Variants in OSBPL3 observed in about 807,000 individuals in gnomAD.
OSBPL3 encodes oxysterol-binding protein-related protein 3.
A neutral mutation model predicts 120.1 loss-of-function variants in OSBPL3; 65 were observed. The ratio of observed to expected loss-of-function variants is 0.54; its 90% CI spans 0.44 to 0.67. The LOEUF (loss-of-function observed/expected upper bound fraction) is 0.67, where lower values mean the gene tolerates loss of function less well. Ranked by LOEUF, OSBPL3 falls within the 30% of genes least tolerant of loss-of-function variation. The pLI is 0.00. For missense variants in OSBPL3, 1,004 were observed against 1,082.1 expected (o/e 0.93, Z 1.01); for synonymous variants, 416 against 402.6 (o/e 1.03, Z -0.40).
chr7:24,920,330 G>A (rs183584530), intron 1 of OSBPL3, among the ~76,000 whole-genome samples: 13 of 152,172 alleles, frequency 8.5e-5, no homozygotes, highest in Non-Finnish European at 1.9e-4. Flanking sequence ...AGTGAGTCAT[G>A]CTACAACATG....
At position 24,854,539 on chromosome 7, in the gene OSBPL3, A is replaced by ACACACAC. The variant is rs1562831439; in HGVS notation, c.1028-1906_1028-1905insGTGTGTG. Among the ~76,000 whole-genome samples the ACACACAC allele has an allele frequency of 7.6e-6, 1 of 131,700 alleles. No individual in the cohort carries two copies. The highest frequency in any genetic ancestry group is 2.2e-4 in the East Asian group (1 of 4,486). The allele number at this position is 131,700 out of a possible 152,430, so 86.4% of individuals were successfully genotyped here. ...ACACACACACACACACACACACACA[A>ACACACAC]ACACACACAATGGTGCTGCCTCTGC... On this transcript the variant is annotated intron_variant, in intron 10 of 22. Coordinates refer to ENST00000313367, the MANE Select transcript of OSBPL3 (RefSeq NM_015550.4). The surrounding 1 kb of genome is among the most constrained non-coding windows in gnomAD (Gnocchi z 4.1).
rs1175276359 is a variant in OSBPL3, at chr7:24,821,059, A to C, written c.1885-821T>G. 6.6e-6 allele frequency among the ~76,000 whole-genome samples: 1 copy of C among 152,186 alleles called. No individual in the cohort carries two copies. Among genetic ancestry groups the C allele is most frequent in the Non-Finnish European group, 1.5e-5 (1 of 68,024 alleles). On this transcript the variant is annotated intron_variant, in intron 16 of 22. Coordinates refer to ENST00000313367, the MANE Select transcript of OSBPL3 (RefSeq NM_015550.4). The surrounding 1 kb of genome is among the most constrained non-coding windows in gnomAD (Gnocchi z 5.5). ...TTCCTCATCTCAGTCACACTCAGGGAACGTTGAGAGGTGTATATGCTGTCA... is the reference window on the plus strand; with the variant it reads ...TTCCTCATCTCAGTCACACTCAGGGCACGTTGAGAGGTGTATATGCTGTCA...
intron 2 of OSBPL3, among the ~76,000 whole-genome samples, chr7:24,875,208 C>T (rs1274260805): frequency 2.0e-5 from 3 of 152,228 alleles, no homozygotes; most frequent in African/African-American, 7.2e-5. Flanking sequence ...GGTTTTTATA[C>T]ACTCTTGGGA....
intron 1 of OSBPL3, among the ~76,000 whole-genome samples, chr7:24,908,854 A>T (rs1161853736): frequency 2.0e-5 from 3 of 152,174 alleles, no homozygotes; most frequent in Admixed American, 2.0e-4. Flanking sequence ...ATTTCAGTTC[A>T]ACTCTCTTAA....
rs1469204456 is a variant in OSBPL3, at chr7:24,813,054, T to C, written c.2172+2005A>G. 6.6e-6 allele frequency among the ~76,000 whole-genome samples: 1 copy of C among 152,130 alleles called. No individual in the cohort carries two copies. Among genetic ancestry groups the C allele is most frequent in the African/African-American group, 2.4e-5 (1 of 41,422 alleles). The stretch of plus-strand genomic sequence containing the variant: ...CCACCGTGTCTGGCTAATTTTTAAA[T>C]TTGTTGTAGAGATAGGGTCTTGTCA... On this transcript the variant is annotated intron_variant, in intron 19 of 22. Coordinates refer to ENST00000313367, the MANE Select transcript of OSBPL3 (RefSeq NM_015550.4). This position sits in a 1 kb window ranked among gnomAD's most constrained non-coding sequence, Gnocchi z 4.5.
At chr7:24,845,017 A>G (rs1261203962) in intron 12 of OSBPL3, among the ~76,000 whole-genome samples, 2 of 152,180 alleles carry the variant, frequency 1.3e-5, no homozygotes, top group African/African-American at 4.8e-5. Flanking sequence ...GAATGTTTAC[A>G]GATTTGCGAA....
Position 24,918,445 on chromosome 7 carries a change from G to C in OSBPL3, c.-149-25824C>G, listed in dbSNP as rs1463290764. Among the ~76,000 whole-genome samples the C allele has an allele frequency of 6.6e-6, 1 of 152,198 alleles. No homozygotes were observed. The highest frequency in any genetic ancestry group is 1.5e-5 in the Non-Finnish European group (1 of 68,034). ...GATAGAAGTATGTATTTGGAAGAAA[G>C]AAGTGCCACTCGAGAGAGTTAAAAC... On this transcript the variant is annotated intron_variant, in intron 1 of 22. Transcript: ENST00000313367. This position sits in a 1 kb window ranked among gnomAD's most constrained non-coding sequence, Gnocchi z 4.3.
At chr7:24,974,730 AAAG>A (rs1289954319) in intron 1 of OSBPL3, among the ~76,000 whole-genome samples, 1 of 152,222 alleles carries the variant, frequency 6.6e-6, no homozygotes, top group African/African-American at 2.4e-5. Context: ...ATACTAGGTG[AAAG>A]AAGCCAGACA....
Position 24,967,993 on chromosome 7 carries a change from G to A in OSBPL3, c.-150+11893C>T, listed in dbSNP as rs1816581251. Among the ~76,000 whole-genome samples, 1 of 152,058 alleles carries A rather than the reference G, an allele frequency of 6.6e-6. No homozygotes were observed. Among genetic ancestry groups the A allele is most frequent in the Non-Finnish European group, 1.5e-5 (1 of 68,026 alleles). ...CACCATAAATAACACAGTCACATAC[G>A]CCTGAAACTCTGCAGTTACTTTTTG... On this transcript the variant is annotated intron_variant, in intron 1 of 22. Coordinates refer to ENST00000313367, the MANE Select transcript of OSBPL3 (RefSeq NM_015550.4). This position sits in a 1 kb window ranked among gnomAD's most constrained non-coding sequence, Gnocchi z 5.6.
chr7:24,960,711 C>A (rs1338179301), intron 1 of OSBPL3, among the ~76,000 whole-genome samples: 1 of 152,176 alleles, frequency 6.6e-6, no homozygotes, highest in African/African-American at 2.4e-5. Flanking sequence ...GGTGACTTCA[C>A]AGCCAACTTT....
At position 24,871,726 on chromosome 7, in the gene OSBPL3, C is replaced by T. The variant is rs755114714; in HGVS notation, c.267+16G>A. The T allele has an allele frequency of 5.0e-6, 8 of 1,602,946 alleles. No homozygotes were observed. Among genetic ancestry groups the T allele is most frequent in the Non-Finnish European group, 1.7e-6 (2 of 1,170,100 alleles). ...AGGATTCTTCAATACCACAGTGGGCCCACAAAAAGACTTACATCGGTTTGG... is the reference window on the plus strand; with the variant it reads ...AGGATTCTTCAATACCACAGTGGGCTCACAAAAAGACTTACATCGGTTTGG... On this transcript the variant is annotated intron_variant, in intron 4 of 22. Transcript: ENST00000313367. The surrounding 1 kb of genome is among the most constrained non-coding windows in gnomAD (Gnocchi z 4.8).
intron 1 of OSBPL3, among the ~76,000 whole-genome samples, chr7:24,897,256 G>A (rs988623589): frequency 6.6e-6 from 1 of 151,940 alleles, no homozygotes; most frequent in African/African-American, 2.4e-5. Flanking sequence ...GAAAGTGGCA[G>A]GTGCAGCACA....
intron 1 of OSBPL3, among the ~76,000 whole-genome samples, chr7:24,893,541 G>T (rs1805666470): frequency 6.6e-6 from 1 of 152,220 alleles, no homozygotes; most frequent in African/African-American, 2.4e-5. Flanking sequence ...GCTGGGCTCA[G>T]TGGCTCATGC....
Position 24,952,314 on chromosome 7 carries a change from T to C in OSBPL3, c.-150+27572A>G, listed in dbSNP as rs1814537594. Among the ~76,000 whole-genome samples, 2 of 152,222 alleles carry C rather than the reference T, an allele frequency of 1.3e-5. No individual in the cohort carries two copies. Among genetic ancestry groups the C allele is most frequent in the South Asian group, 4.1e-4 (2 of 4,836 alleles). ...ACATAAATAGTCCAACTTTTTATTT[T>C]AAGGACAGAGAAACTGAGGCCCACA... On this transcript the variant is annotated intron_variant, in intron 1 of 22. Coordinates refer to ENST00000313367, the MANE Select transcript of OSBPL3 (RefSeq NM_015550.4). The surrounding 1 kb of genome is among the most constrained non-coding windows in gnomAD (Gnocchi z 4.4).
chr7:24,819,134 T>A lies in OSBPL3; in HGVS notation c.1948+1041A>T, dbSNP rs1258575263. Among the ~76,000 whole-genome samples, 1 of 151,102 alleles carries A rather than the reference T, an allele frequency of 6.6e-6. No homozygotes were observed. The highest frequency in any genetic ancestry group is 2.4e-5 in the African/African-American group (1 of 41,012). Reference sequence around the variant, plus strand: ...TGGGCATAGTGGCGCATGCCTGTAGTCCCAGCTACTCGGGAGGCTGAGACA... The same window carrying A: ...TGGGCATAGTGGCGCATGCCTGTAGACCCAGCTACTCGGGAGGCTGAGACA... On this transcript the variant is annotated intron_variant, in intron 17 of 22. Coordinates refer to ENST00000313367, the MANE Select transcript of OSBPL3 (RefSeq NM_015550.4). The surrounding 1 kb of genome is among the most constrained non-coding windows in gnomAD (Gnocchi z 4.1).
rs563926397 is a variant in OSBPL3, at chr7:24,872,396, C to A, written c.97-327G>T. The stretch of plus-strand genomic sequence containing the variant: ...TTTTGTTCAGTTTGACATTACCATG[C>A]AATTACTGTTCGTTCAGCACTAGAC... On this transcript the variant is annotated intron_variant, in intron 2 of 22. Transcript: ENST00000313367. This position sits in a 1 kb window ranked among gnomAD's most constrained non-coding sequence, Gnocchi z 4.1. Among the ~76,000 whole-genome samples the A allele has an allele frequency of 6.6e-6, 1 of 150,894 alleles. No homozygotes were observed. Among genetic ancestry groups the A allele is most frequent in the East Asian group, 1.9e-4 (1 of 5,146 alleles).
At position 24,830,696 on chromosome 7, in the gene OSBPL3, A is replaced by C; in HGVS notation, c.1884+72T>G. 7.2e-7 allele frequency: 1 copy of C among 1,390,874 alleles called. No individual in the cohort carries two copies. Among genetic ancestry groups the C allele is most frequent in the Non-Finnish European group, 9.8e-7 (1 of 1,015,670 alleles). 86.2% of individuals were successfully genotyped at this position (1,390,874 alleles called of 1,614,324 possible). ...GAAGCCAGTGAAAGGTGGAAGATAA[A>C]TATTTCAGAAGCACATTTAATGGGA... On this transcript the variant is annotated intron_variant, in intron 16 of 22. Transcript: ENST00000313367. The surrounding 1 kb of genome is among the most constrained non-coding windows in gnomAD (Gnocchi z 4.4).
rs780341966 is a variant in OSBPL3 at position 24,883,386 on chromosome 7, T to G, written c.96+8991A>C. On this transcript the variant is annotated intron_variant, in intron 2 of 22. Transcript: ENST00000313367. This position sits in a 1 kb window ranked among gnomAD's most constrained non-coding sequence, Gnocchi z 5.4. ...ATATTATCAAATTACTGAAGCAGAC[T>G]TTCCCCTCCCCAGGAAAGAGCTATT... Among the ~76,000 whole-genome samples, 5 of 152,170 alleles carry G rather than the reference T, an allele frequency of 3.3e-5. No individual in the cohort carries two copies. Among genetic ancestry groups the G allele is most frequent in the African/African-American group, 1.2e-4 (5 of 41,434 alleles).
At chr7:24,870,651 C>A in intron 5 of OSBPL3, 81 bp downstream of exon 5, 1 of 876,986 alleles carries the variant, frequency 1.1e-6, no homozygotes. Context: ...GCCGAATACC[C>A]AAAAGGCATT....
Sources: gnomAD v4.1 joint callset for allele counts (sites outside exome capture counted in the v4.1 genomes callset) on GRCh38, gnomAD v4.1.1 for gene constraint, Gnocchi (gnomAD v3.1) non-coding constraint, MANE v1.5 for transcripts, NCBI Gene and HGNC (gene_info 2026-07-23, HGNC 2026-07-21) for gene names.